EPS15: variants seen among roughly 807,000 people sequenced by gnomAD.
EPS15 encodes epidermal growth factor receptor substrate 15.
Under a neutral mutation model 113.8 loss-of-function variants are expected in EPS15, and 72 were observed. That is an observed-to-expected ratio of 0.63 (90% confidence interval 0.52 to 0.77). The LOEUF (loss-of-function observed/expected upper bound fraction) is 0.77. Among genes scored for constraint, EPS15 ranks in the 30% least tolerant of loss-of-function variants. The pLI is 0.00. For missense variants in EPS15, 1,048 were observed against 1,045.8 expected (o/e 1.00, Z -0.03); for synonymous variants, 344 against 363.4 (o/e 0.95, Z 0.61).
rs1386955769 is a variant in EPS15, at chr1:51,406,034, G to C, written c.1548C>G (p.His516Gln). ...CTGTAGCTCCGTTTACAAGAATGCT[G>C]TGTGGGCTACTGCACCAATTTAACT... ...NSQLNWCSSP[H>Q]SILVNGATDY... The change falls in exon 16 of 25, where the codon CAC becomes CAG. Residue 516 changes from histidine (H) to glutamine (Q), a missense_variant. Coordinates refer to ENST00000371733, the MANE Select transcript of EPS15 (RefSeq NM_001981.3). 6.2e-7 allele frequency: 1 copy of C among 1,614,176 alleles called. No individual in the cohort carries two copies. Among genetic ancestry groups the C allele is most frequent in the Admixed American group, 1.7e-5 (1 of 60,026 alleles).
intron 13 of EPS15, among the ~76,000 whole-genome samples, chr1:51,414,801 G>A (rs1197525604): frequency 6.6e-6 from 1 of 152,112 alleles, no homozygotes; most frequent in Non-Finnish European, 1.5e-5. Flanking sequence ...AAATGTCTAG[G>A]ACATGATACT....
chr1:51,390,820 T>C (rs963076535), intron 21 of EPS15, among the ~76,000 whole-genome samples: 12 of 152,110 alleles, frequency 7.9e-5, no homozygotes, highest in African/African-American at 2.9e-4. Flanking sequence ...AAACAACAGG[T>C]GCTGGAGAGG....
intron 1 of EPS15, among the ~76,000 whole-genome samples, chr1:51,486,199 C>T (rs974381022): frequency 2.0e-4 from 31 of 151,388 alleles, no homozygotes; most frequent in African/African-American, 7.3e-4. Flanking sequence ...GGGTGGATCA[C>T]CTGAGGTCAG....
intron 20 of EPS15, among the ~76,000 whole-genome samples, chr1:51,398,410 A>G (rs1280076334): frequency 6.6e-6 from 1 of 152,202 alleles, no homozygotes; most frequent in African/African-American, 2.4e-5. Context: ...GACCTTAAAC[A>G]TGTTAATTTT....
chr1:51,514,752 C>A (rs1435307505), intron 1 of EPS15, among the ~76,000 whole-genome samples: 1 of 152,122 alleles, frequency 6.6e-6, no homozygotes, highest in Non-Finnish European at 1.5e-5. Context: ...GAACTTGTTC[C>A]TAATTAATTT....
intron 12 of EPS15, chr1:51,423,739 C>T (rs2148452467): frequency 2.0e-6 from 2 of 985,344 alleles, no homozygotes; most frequent in Non-Finnish European, 2.4e-6. Flanking sequence ...AACAGGGCTA[C>T]AAGAAGCCAG....
At chr1:51,381,113 A>G (rs1646930542) in intron 21 of EPS15, among the ~76,000 whole-genome samples, 2 of 152,224 alleles carry the variant, frequency 1.3e-5, no homozygotes, top group African/African-American at 2.4e-5. Context: ...CTCACTTTCA[A>G]TAAGGAGAGA....
chr1:51,366,709 C>T (rs1184130084), intron 21 of EPS15, among the ~76,000 whole-genome samples: 1 of 152,124 alleles, frequency 6.6e-6, no homozygotes, highest in Non-Finnish European at 1.5e-5. Flanking sequence ...AATATAATAC[C>T]ATTAATGCCA....
At chr1:51,484,016 C>A (rs1257343708) in intron 1 of EPS15, among the ~76,000 whole-genome samples, 1 of 152,098 alleles carries the variant, frequency 6.6e-6, no homozygotes, top group Admixed American at 6.5e-5. Flanking sequence ...GAGGCTGAGG[C>A]AGGAGGATTG....
At chr1:51,384,969 T>A (rs1647029700) in intron 21 of EPS15, among the ~76,000 whole-genome samples, 1 of 152,164 alleles carries the variant, frequency 6.6e-6, no homozygotes, top group South Asian at 2.1e-4. Context: ...AATACCTAAA[T>A]GTAAGAGCTA....
intron 13 of EPS15, among the ~76,000 whole-genome samples, chr1:51,412,532 T>C (rs1649829115): frequency 6.6e-6 from 1 of 152,230 alleles, no homozygotes; most frequent in East Asian, 1.9e-4. Flanking sequence ...TGAGTTTGTG[T>C]GATCACAGTT....
intron 1 of EPS15, among the ~76,000 whole-genome samples, chr1:51,492,481 A>G (rs961571912): frequency 6.6e-6 from 1 of 152,216 alleles, no homozygotes; most frequent in African/African-American, 2.4e-5. Flanking sequence ...AGAATAGACA[A>G]AAGAATTTCA....
intron 1 of EPS15, among the ~76,000 whole-genome samples, chr1:51,499,350 A>T (rs1553137766): frequency 1.3e-5 from 2 of 151,294 alleles, no homozygotes; most frequent in Non-Finnish European, 1.5e-5. Context: ...CATGCACCAC[A>T]TTTTTTTTTA....
At chr1:51,517,089 C>T (rs1644733624) in intron 1 of EPS15, among the ~76,000 whole-genome samples, 1 of 152,248 alleles carries the variant, frequency 6.6e-6, no homozygotes, top group African/African-American at 2.4e-5. Context: ...ATTTAAAAAC[C>T]ACAAATCTGC....
chr1:51,512,780 G>C (rs1177575423), intron 1 of EPS15, among the ~76,000 whole-genome samples: 3 of 150,240 alleles, frequency 2.0e-5, no homozygotes, highest in Middle Eastern at 3.2e-3. Context: ...TCAAGCTGTG[G>C]AGGAAATGAC....
chr1:51,484,731 G>T (rs756677031), intron 1 of EPS15, among the ~76,000 whole-genome samples: 3 of 152,156 alleles, frequency 2.0e-5, no homozygotes, highest in Non-Finnish European at 4.4e-5. Flanking sequence ...ACTCTGTATG[G>T]TCTTGCAAAA....
chr1:51,439,335 C>A (rs1462815373), intron 12 of EPS15, among the ~76,000 whole-genome samples: 3 of 152,058 alleles, frequency 2.0e-5, no homozygotes, highest in Non-Finnish European at 4.4e-5. Flanking sequence ...CTACAGAAAT[C>A]TCAACATAGT....
intron 23 of EPS15, 29 bp downstream of exon 23, chr1:51,363,837 T>C: frequency 6.3e-7 from 1 of 1,588,448 alleles, no homozygotes; most frequent in Non-Finnish European, 8.6e-7. Flanking sequence ...GCCATGCAGT[T>C]GACTGAAGAA....
intron 20 of EPS15, among the ~76,000 whole-genome samples, chr1:51,398,414 T>C (rs1330058795): frequency 3.3e-5 from 5 of 152,220 alleles, no homozygotes; most frequent in South Asian, 2.1e-4. Context: ...TTAAACATGT[T>C]AATTTTTCTA....
Sources: allele counts gnomAD v4.1 joint callset (sites outside exome capture counted in the v4.1 genomes callset), GRCh38; gene constraint gnomAD v4.1.1; transcripts MANE v1.5; gene names NCBI Gene and HGNC (gene_info 2026-07-23, HGNC 2026-07-21).